LIN9: variants seen among roughly 807,000 people sequenced by gnomAD.
LIN9 encodes the protein protein lin-9 homolog.
Under a neutral mutation model 78.0 loss-of-function variants are expected in LIN9, and 18 were observed. The ratio of observed to expected loss-of-function variants is 0.23; its 90% CI spans 0.16 to 0.34. The LOEUF (loss-of-function observed/expected upper bound fraction) is 0.34, where lower values mean the gene tolerates loss of function less well. LIN9 is among the 10% of genes least tolerant of loss of function. The pLI is 1.00. For missense variants in LIN9, 451 were observed against 644.1 expected (o/e 0.70, Z 3.25); for synonymous variants, 192 against 215.2 (o/e 0.89, Z 0.94).
chr1:226,284,283 C>T (rs1661263272), intron 6 of LIN9, among the ~76,000 whole-genome samples: 2 of 152,128 alleles, frequency 1.3e-5, no homozygotes, highest in Non-Finnish European at 2.9e-5. Flanking sequence ...TTATGCACCA[C>T]TACCACTCTG....
At position 226,246,618 on chromosome 1, in the gene LIN9, TA is replaced by T. The variant is rs759432059; in HGVS notation, c.1119+4220del. 4.8e-3 allele frequency among the ~76,000 whole-genome samples: 627 copies of T among 131,420 alleles called. 1 individual carries two copies. The highest frequency in any genetic ancestry group is 7.6e-3 in the Middle Eastern group (2 of 262). The allele number at this position is 131,420 out of a possible 152,430, so 86.2% of individuals were successfully genotyped here. A position where few individuals can be genotyped will look rare whatever the true frequency, so the allele number is the denominator to read the frequency against. Reference sequence around the variant, plus strand: ...CAACATGGTGAAACCCCGTCTCTACTAAAAAAAAAAAAAAAATACAAAAAAT... The same window carrying T: ...CAACATGGTGAAACCCCGTCTCTACTAAAAAAAAAAAAAAATACAAAAAAT... On this transcript the variant is annotated intron_variant, in intron 11 of 14. Transcript: ENST00000681046.
At chr1:226,301,930 ATGGGGG>A (rs1662557975) in intron 1 of LIN9, among the ~76,000 whole-genome samples, 1 of 152,080 alleles carries the variant, frequency 6.6e-6, no homozygotes, top group African/African-American at 2.4e-5. Flanking sequence ...TTCACTGGGT[ATGGGGG>A]CACGTGCCTA....
At chr1:226,238,083 G>A (rs1260262529) in intron 12 of LIN9, among the ~76,000 whole-genome samples, 3 of 152,230 alleles carry the variant, frequency 2.0e-5, no homozygotes, top group Non-Finnish European at 2.9e-5. Flanking sequence ...CCTGTAGTAG[G>A]AAACTCAAAT....
At chr1:226,256,152 G>A (rs1421586543) in intron 10 of LIN9, among the ~76,000 whole-genome samples, 1 of 151,922 alleles carries the variant, frequency 6.6e-6, no homozygotes, top group African/African-American at 2.4e-5. Context: ...GGAGGCTAAG[G>A]CGGGCAGACT....
intron 11 of LIN9, among the ~76,000 whole-genome samples, chr1:226,250,368 G>C (rs985945370): frequency 6.6e-6 from 1 of 152,132 alleles, no homozygotes; most frequent in African/African-American, 2.4e-5. Flanking sequence ...ACAGGTATCT[G>C]AGCAATTCTA....
intron 7 of LIN9, among the ~76,000 whole-genome samples, chr1:226,271,344 T>G (rs1192047179): frequency 6.6e-6 from 1 of 152,206 alleles, no homozygotes; most frequent in Non-Finnish European, 1.5e-5. Flanking sequence ...ACTTTTTAAT[T>G]CTTTTGGCTC....
At chr1:226,238,002 G>A (rs1657845138) in intron 12 of LIN9, among the ~76,000 whole-genome samples, 1 of 151,440 alleles carries the variant, frequency 6.6e-6, no homozygotes, top group Non-Finnish European at 1.5e-5. Flanking sequence ...TGGCTTTCCT[G>A]GAAACACACA....
intron 7 of LIN9, among the ~76,000 whole-genome samples, chr1:226,273,824 C>G (rs886784778): frequency 2.7e-5 from 4 of 146,988 alleles, no homozygotes; most frequent in Admixed American, 7.1e-5. Context: ...AATGCTCCCT[C>G]TCAACATTAC....
At chr1:226,299,825 T>C (rs539491250) in intron 2 of LIN9, among the ~76,000 whole-genome samples, 22 of 152,096 alleles carry the variant, frequency 1.4e-4, no homozygotes, top group Non-Finnish European at 2.4e-4. Context: ...CCAAAAGAAA[T>C]AGTGAGACCA....
chr1:226,247,743 C>G (rs1658577350), intron 11 of LIN9, among the ~76,000 whole-genome samples: 1 of 150,322 alleles, frequency 6.7e-6, no homozygotes, highest in Non-Finnish European at 1.5e-5. Flanking sequence ...ACAATCTTGG[C>G]TCACTGCAAT....
chr1:226,292,155 G>A (rs1661831512), intron 4 of LIN9, among the ~76,000 whole-genome samples: 1 of 152,118 alleles, frequency 6.6e-6, no homozygotes, highest in East Asian at 1.9e-4. Context: ...CAAATTGTTA[G>A]AGGGAATCTT....
intron 10 of LIN9, among the ~76,000 whole-genome samples, chr1:226,264,234 G>T (rs1576310125): frequency 6.6e-6 from 1 of 151,784 alleles, no homozygotes; most frequent in East Asian, 2.0e-4. Context: ...CAAAAAATTA[G>T]CTGGGTGTGG....
In LIN9 at chr1:226,231,721, CA is replaced by C. The variant is rs1394865859; in HGVS notation, c.*779del. On this transcript the variant is annotated 3_prime_UTR_variant, in exon 15 of 15. Coordinates refer to ENST00000681046, the MANE Select transcript of LIN9 (RefSeq NM_001366245.2). ...AAAAAATATGAAAATAGTGTGTTAT[CA>C]TTTTTTTTTTAATAAATCTCACAAC... The C allele has an allele frequency of 6.5e-6, 1 of 154,828 alleles. No individual in the cohort carries two copies. Among genetic ancestry groups the C allele is most frequent in the Admixed American group, 6.5e-5 (1 of 15,320 alleles). 9.6% of individuals were successfully genotyped at this position (154,828 alleles called of 1,614,324 possible).
chr1:226,289,840 G>GGGGT (rs1661625680), intron 4 of LIN9, among the ~76,000 whole-genome samples: 1 of 65,698 alleles, frequency 1.5e-5, no homozygotes, highest in South Asian at 7.0e-4. Context: ...CCTCCGGGGG[G>GGGGT]GGGGGTGGGG....
chr1:226,254,768 G>A lies in LIN9; in HGVS notation c.1039-3849C>T, dbSNP rs12130923. 3.8e-3 allele frequency among the ~76,000 whole-genome samples: 577 copies of A among 151,894 alleles called. 2 individuals carry two copies. The highest frequency in any genetic ancestry group is 6.4e-3 in the Non-Finnish European group (433 of 67,928). ...CTACTAAAAATACAAAAAATTAGCC[G>A]GGCGTAGTGGAGGGTGACTGTAGTC... On this transcript the variant is annotated intron_variant, in intron 10 of 14. Transcript: ENST00000681046.
rs1291179161 is a variant in LIN9 at position 226,232,608 on chromosome 1, TAAAG to T, written c.1524-6_1524-3del. ...ATTTCTACATTATTCTGAAAGCAAC[TAAAG>T]AAAGAAGAAACATGGTTAACTACTT... On this transcript the variant is annotated splice_region_variant and splice_polypyrimidine_tract_variant and intron_variant, in intron 14 of 14. Transcript: ENST00000681046. 3.8e-6 allele frequency: 6 copies of T among 1,576,448 alleles called. No homozygotes were observed. The South Asian group carries it at 5.9e-5, about 15-fold the overall frequency.
chr1:226,274,835 GA>G, intron 7 of LIN9, among the ~76,000 whole-genome samples: 1 of 151,712 alleles, frequency 6.6e-6, no homozygotes, highest in Admixed American at 6.6e-5. Context: ...TTCTTTATCT[GA>G]AAAAATGTCC....
At chr1:226,303,760 C>T (rs1346081245) in intron 1 of LIN9, among the ~76,000 whole-genome samples, 2 of 152,230 alleles carry the variant, frequency 1.3e-5, no homozygotes, top group African/African-American at 4.8e-5. Flanking sequence ...GTGCATGCCA[C>T]CATACGCAGC....
chr1:226,263,706 C>T (rs1659741087), intron 10 of LIN9, among the ~76,000 whole-genome samples: 1 of 152,168 alleles, frequency 6.6e-6, no homozygotes, highest in Admixed American at 6.5e-5. Context: ...CATTTTCAAT[C>T]TTTCATATAA....
Sources: gnomAD v4.1 joint callset for allele counts (sites outside exome capture counted in the v4.1 genomes callset) on GRCh38, gnomAD v4.1.1 for gene constraint, MANE v1.5 for transcripts, NCBI Gene and HGNC (gene_info 2026-07-23, HGNC 2026-07-21) for gene names.